Variants in METTL15 observed in about 807,000 individuals in gnomAD.
METTL15 encodes 12S rRNA N(4)-cytidine methyltransferase METTL15.
METTL15 carries 34 observed loss-of-function variants against 38.3 expected under a neutral mutation model. The observed-to-expected ratio is 0.89, with a 90% CI of 0.68 to 1.18. The LOEUF (loss-of-function observed/expected upper bound fraction) is 1.18. Ranked by LOEUF, METTL15 falls within the 50% of genes most tolerant of loss-of-function variation. METTL15 has a pLI of 0.00. For missense variants in METTL15, 438 were observed against 498.4 expected (o/e 0.88, Z 1.15); for synonymous variants, 162 against 170.9 (o/e 0.95, Z 0.41).
At chr11:28,484,742 T>G (rs561471865) in intron 6 of METTL15, among the ~76,000 whole-genome samples, 1 of 152,238 alleles carries the variant, frequency 6.6e-6, no homozygotes, top group African/African-American at 2.4e-5. Context: ...CTCTTCTTAT[T>G]GGGAATGCGA....
chr11:28,382,085 A>G (rs534441714), intron 5 of METTL15, among the ~76,000 whole-genome samples: 1 of 152,270 alleles, frequency 6.6e-6, no homozygotes, highest in South Asian at 2.1e-4. Context: ...ATTTTCCCCA[A>G]TAGATCACTA....
At chr11:28,444,559 CAT>C (rs1318668933) in intron 6 of METTL15, among the ~76,000 whole-genome samples, 1 of 152,132 alleles carries the variant, frequency 6.6e-6, no homozygotes, top group Non-Finnish European at 1.5e-5. Flanking sequence ...GGTTTGGAAA[CAT>C]AAAGTTTGAT....
At chr11:28,427,745 G>T (rs1850878120) in intron 6 of METTL15, among the ~76,000 whole-genome samples, 1 of 152,130 alleles carries the variant, frequency 6.6e-6, no homozygotes, top group Admixed American at 6.5e-5. Context: ...GCCTGTTGTT[G>T]GTGTATAGGA....
At chr11:28,503,434 C>T (rs1851600805) in intron 6 of METTL15, among the ~76,000 whole-genome samples, 1 of 152,194 alleles carries the variant, frequency 6.6e-6, no homozygotes, top group African/African-American at 2.4e-5. Context: ...CAACATTTTA[C>T]TGGTGATAAA....
chr11:28,265,542 ATAT>A (rs1855379834), intron 4 of METTL15, among the ~76,000 whole-genome samples: 3 of 152,104 alleles, frequency 2.0e-5, no homozygotes, highest in African/African-American at 4.8e-5. Flanking sequence ...ATCTTAATGA[ATAT>A]TATTATTTTT....
At chr11:28,471,574 G>C (rs1301912227) in intron 6 of METTL15, among the ~76,000 whole-genome samples, 1 of 151,978 alleles carries the variant, frequency 6.6e-6, no homozygotes, top group African/African-American at 2.4e-5. Flanking sequence ...TTTGTGTGGG[G>C]GTTATGGCCT....
At position 28,167,745 on chromosome 11, in the gene METTL15, C is replaced by T. The variant is rs140627868; in HGVS notation, c.271-43317C>T. On this transcript the variant is annotated intron_variant, in intron 3 of 6. Coordinates refer to ENST00000407364, the MANE Select transcript of METTL15 (RefSeq NM_001113528.2). ...ATATCTAGTATCAATATACTAGATA[C>T]GAAAAAATATATAAATTTATACTGT... 4.5e-3 allele frequency among the ~76,000 whole-genome samples: 685 copies of T among 150,724 alleles called. 9 individuals carry two copies. The highest frequency in any genetic ancestry group is 0.015 in the African/African-American group (601 of 40,992).
intron 6 of METTL15, among the ~76,000 whole-genome samples, chr11:28,316,361 T>G (rs1857481242): frequency 2.0e-5 from 3 of 152,352 alleles, no homozygotes; most frequent in Middle Eastern, 3.4e-3. Context: ...GTAGCCCGTT[T>G]GTTTAGGCCA....
intron 5 of METTL15, among the ~76,000 whole-genome samples, chr11:28,370,573 A>G (rs921261937): frequency 4.2e-4 from 64 of 151,916 alleles, no homozygotes; most frequent in African/African-American, 1.4e-3. Context: ...TATATACCCA[A>G]TAGTAGAATT....
At chr11:28,479,388 C>T (rs1024946917) in intron 6 of METTL15, among the ~76,000 whole-genome samples, 1 of 152,082 alleles carries the variant, frequency 6.6e-6, no homozygotes, top group Non-Finnish European at 1.5e-5. Flanking sequence ...AGAGAAGTGA[C>T]AGCTTAGGGA....
intron 5 of METTL15, among the ~76,000 whole-genome samples, chr11:28,422,384 A>T (rs962830193): frequency 1.3e-5 from 2 of 152,118 alleles, no homozygotes; most frequent in African/African-American, 4.8e-5. Context: ...ATCCAAAACT[A>T]TACTGAGCAA....
intron 6 of METTL15, among the ~76,000 whole-genome samples, chr11:28,468,316 C>T (rs1253008305): frequency 1.3e-5 from 2 of 152,086 alleles, no homozygotes; most frequent in Middle Eastern, 3.4e-3. Context: ...AGGGTAACTC[C>T]CAGGAAAGAG....
chr11:28,179,884 C>T (rs1851220697), intron 3 of METTL15, among the ~76,000 whole-genome samples: 1 of 151,736 alleles, frequency 6.6e-6, no homozygotes, highest in African/African-American at 2.4e-5. Context: ...ATGAGAGTTC[C>T]AGTTGTTTCA....
At chr11:28,149,919 C>G (rs1850021314) in intron 3 of METTL15, among the ~76,000 whole-genome samples, 1 of 151,962 alleles carries the variant, frequency 6.6e-6, no homozygotes, top group South Asian at 2.1e-4. Flanking sequence ...ATTGGAAACA[C>G]TCATTGAGAC....
intron 3 of METTL15, among the ~76,000 whole-genome samples, chr11:28,343,916 A>G (rs1340381146): frequency 2.0e-5 from 3 of 152,224 alleles, no homozygotes; most frequent in Non-Finnish European, 4.4e-5. Context: ...CTGTAATAGA[A>G]GGTAAGTACT....
intron 5 of METTL15, among the ~76,000 whole-genome samples, chr11:28,379,191 AAT>A (rs1490642260): frequency 7.7e-5 from 5 of 64,922 alleles, no homozygotes; most frequent in Non-Finnish European, 1.6e-4. Flanking sequence ...CTGTATTGTT[AAT>A]TTAGTCTAAA....
chr11:28,207,412 T>C (rs1316529524), intron 3 of METTL15, among the ~76,000 whole-genome samples: 1 of 152,178 alleles, frequency 6.6e-6, no homozygotes, highest in Non-Finnish European at 1.5e-5. Context: ...GGATTACATT[T>C]ATTGATTTGC....
intron 6 of METTL15, among the ~76,000 whole-genome samples, chr11:28,316,916 T>C (rs748068873): frequency 9.9e-5 from 15 of 152,222 alleles, no homozygotes; most frequent in Admixed American, 1.3e-4. Flanking sequence ...GTAAGTCCAA[T>C]TAAACCTTTT....
intron 3 of METTL15, among the ~76,000 whole-genome samples, chr11:28,345,409 T>G (rs1167450391): frequency 6.6e-6 from 1 of 152,142 alleles, no homozygotes; most frequent in East Asian, 1.9e-4. Context: ...AGGCTGGTCT[T>G]GAACTTCTGA....
Sources: gnomAD v4.1 joint callset for allele counts (sites outside exome capture counted in the v4.1 genomes callset) on GRCh38, gnomAD v4.1.1 for gene constraint, MANE v1.5 for transcripts, NCBI Gene and HGNC (gene_info 2026-07-23, HGNC 2026-07-21) for gene names.